Variants in DNAH14 observed in about 807,000 individuals in gnomAD.
DNAH14 encodes the protein axonemal beta dynein heavy chain 14.
Under a neutral mutation model 520.9 loss-of-function variants are expected in DNAH14, and 478 were observed. The observed-to-expected ratio is 0.92, with a 90% CI of 0.85 to 0.99. DNAH14 has a LOEUF of 0.99. Ranked by LOEUF, DNAH14 falls within the 50% of genes least tolerant of loss-of-function variation. The pLI is 0.00. For missense variants in DNAH14, 4,831 were observed against 5,234.5 expected (o/e 0.92, Z 2.38); for synonymous variants, 1,581 against 1,757.2 (o/e 0.90, Z 2.51).
At chr1:225,234,857 G>T (rs567340714) in intron 42 of DNAH14, among the ~76,000 whole-genome samples, 26 of 152,010 alleles carry the variant, frequency 1.7e-4, no homozygotes, top group African/African-American at 5.5e-4. Context: ...GCCTGTTGTT[G>T]GTGTATAAGA....
At chr1:225,194,709 T>C (rs1014830666) in intron 38 of DNAH14, among the ~76,000 whole-genome samples, 1 of 152,064 alleles carries the variant, frequency 6.6e-6, no homozygotes, top group Non-Finnish European at 1.5e-5. Flanking sequence ...AAAAAAAGGC[T>C]ATCAACAGAA....
rs6666025 is a variant in DNAH14, at chr1:225,084,049, A to G, written c.3327+1310A>G. Among the ~76,000 whole-genome samples, 41 of 152,202 alleles carry G rather than the reference A, an allele frequency of 2.7e-4. 1 individual carries two copies. The South Asian group carries it at 3.7e-3, about 14-fold the overall frequency. ...GCCTGTAATAACTCAAAGGGTTCCAATGAGCTATTACATGTCTAACATGAA... is the reference window on the plus strand; with the variant it reads ...GCCTGTAATAACTCAAAGGGTTCCAGTGAGCTATTACATGTCTAACATGAA... On this transcript the variant is annotated intron_variant, in intron 20 of 85. Coordinates refer to ENST00000682510, the MANE Select transcript of DNAH14 (RefSeq NM_001367479.1).
At chr1:225,083,012 AC>A (rs1204448012) in intron 20 of DNAH14, among the ~76,000 whole-genome samples, 2 of 152,126 alleles carry the variant, frequency 1.3e-5, no homozygotes, top group African/African-American at 4.8e-5. Context: ...TCATTATTTA[AC>A]AGTGCTATTT....
chr1:225,050,030 A>G (rs148507599), intron 15 of DNAH14, among the ~76,000 whole-genome samples, 180 bp from the exon 16 acceptor site: 4 of 152,280 alleles, frequency 2.6e-5, no homozygotes, highest in African/African-American at 7.2e-5. Context: ...CTTTGTTTCT[A>G]TAGTATTAAA....
In DNAH14 at chr1:225,351,807, A is replaced by C; in HGVS notation, c.11457A>C (p.Ala3819=). Residue 3819 remains alanine (A), a synonymous_variant, in exon 72 of 86, where the codon GCA becomes GCC. Coordinates refer to ENST00000682510, the MANE Select transcript of DNAH14 (RefSeq NM_001367479.1). Reference sequence around the variant, plus strand: ...GGGATACTTTTAAGAACAGTAAAGCAGTTTATTCTCTGATCAGCACACCTT... The same window carrying C: ...GGGATACTTTTAAGAACAGTAAAGCCGTTTATTCTCTGATCAGCACACCTT... ...SQWDTFKNSK[A]VYSLISTPFS... The C allele has an allele frequency of 1.9e-6, 3 of 1,551,384 alleles. No individual in the cohort carries two copies. The highest frequency in any genetic ancestry group is 2.6e-6 in the Non-Finnish European group (3 of 1,146,760).
chr1:224,970,600 C>A (rs2061449355), intron 7 of DNAH14, among the ~76,000 whole-genome samples: 2 of 152,140 alleles, frequency 1.3e-5, no homozygotes, highest in South Asian at 4.2e-4. Flanking sequence ...TTTAAAATTT[C>A]TCTCTTTTGT....
At chr1:225,070,295 G>A (rs2405939) in intron 17 of DNAH14, among the ~76,000 whole-genome samples, 50,452 of 151,984 alleles carry the variant, frequency 0.33, 9,985 homozygotes, top group Middle Eastern at 0.51. Context: ...TAGTTGTGAT[G>A]TTAGGTTGTT....
intron 36 of DNAH14, among the ~76,000 whole-genome samples, chr1:225,171,071 T>C (rs938595726): frequency 1.3e-5 from 2 of 152,084 alleles, no homozygotes; most frequent in Non-Finnish European, 2.9e-5. Context: ...TTGAAACCAA[T>C]GAGAACAAAG....
At chr1:224,974,050 G>A in intron 7 of DNAH14, 41 bp from the exon 8 acceptor site, 2 of 1,295,880 alleles carry the variant, frequency 1.5e-6, no homozygotes, top group South Asian at 3.4e-5. Context: ...ATAAATACGT[G>A]GTTTATGGAT....
At chr1:225,322,613 G>T (rs2094578509) in intron 61 of DNAH14, 51 bp from the exon 62 acceptor site, 3 of 1,422,844 alleles carry the variant, frequency 2.1e-6, no homozygotes. Flanking sequence ...TTTACAGGGT[G>T]CATTTCATTT....
intron 55 of DNAH14, among the ~76,000 whole-genome samples, chr1:225,291,498 C>T (rs2093888749): frequency 6.6e-6 from 1 of 152,076 alleles, no homozygotes; most frequent in South Asian, 2.1e-4. Context: ...CTCACTGAAG[C>T]CCCGACCTCC....
intron 69 of DNAH14, among the ~76,000 whole-genome samples, chr1:225,344,124 G>T (rs146094949): frequency 1.8e-4 from 28 of 151,722 alleles, no homozygotes; most frequent in African/African-American, 6.8e-4. Flanking sequence ...AGTAATAGTG[G>T]TTTTAGTAAA....
At position 225,131,119 on chromosome 1, in the gene DNAH14, A is replaced by G. The variant is rs138879354; in HGVS notation, c.4254+7505A>G. On this transcript the variant is annotated intron_variant, in intron 27 of 85. Transcript: ENST00000682510. ...ATTGTATAATTCCTTCAACTTCACTATAGTTTTGAAAATCTTTATAATTTT... is the reference window on the plus strand; with the variant it reads ...ATTGTATAATTCCTTCAACTTCACTGTAGTTTTGAAAATCTTTATAATTTT... Among the ~76,000 whole-genome samples the G allele has an allele frequency of 1.9e-3, 282 of 152,308 alleles. 1 individual carries two copies. The highest frequency in any genetic ancestry group is 3.4e-3 in the Middle Eastern group (1 of 294).
At chr1:225,008,684 C>T (rs2064417512) in intron 10 of DNAH14, among the ~76,000 whole-genome samples, 2 of 148,278 alleles carry the variant, frequency 1.3e-5, no homozygotes, top group Admixed American at 1.4e-4. Context: ...CTTGGCCTCC[C>T]AAAGTGCTGG....
chr1:225,313,195 G>A, intron 60 of DNAH14, among the ~76,000 whole-genome samples: 1 of 151,982 alleles, frequency 6.6e-6, no homozygotes, highest in East Asian at 1.9e-4. Context: ...GTCCAGGAAT[G>A]TATCCATTTC....
chr1:225,260,615 T>A (rs111746537), intron 46 of DNAH14, among the ~76,000 whole-genome samples: 1 of 147,880 alleles, frequency 6.8e-6, no homozygotes, highest in Non-Finnish European at 1.5e-5. Context: ...CTTTTTTTTT[T>A]CCCCCCCTCA....
At chr1:225,364,495 C>G (rs2095529653) in intron 75 of DNAH14, among the ~76,000 whole-genome samples, 1 of 151,948 alleles carries the variant, frequency 6.6e-6, no homozygotes, top group Non-Finnish European at 1.5e-5. Context: ...TCAATTGTCC[C>G]AAATTCAATC....
At chr1:225,321,783 A>T (rs575793542) in intron 61 of DNAH14, among the ~76,000 whole-genome samples, 9 of 152,312 alleles carry the variant, frequency 5.9e-5, no homozygotes, top group African/African-American at 1.9e-4. Context: ...TTCCAATAAT[A>T]AATACATTAT....
At chr1:225,051,343 T>C in intron 16 of DNAH14, 108 bp from the exon 17 acceptor site, 1 of 734,466 alleles carries the variant, frequency 1.4e-6, no homozygotes. Flanking sequence ...TAAAATAAAC[T>C]CCACATAGCA....
Sources: allele counts gnomAD v4.1 joint callset (sites outside exome capture counted in the v4.1 genomes callset), GRCh38; gene constraint gnomAD v4.1.1; transcripts MANE v1.5; gene names NCBI Gene and HGNC (gene_info 2026-07-23, HGNC 2026-07-21).